FER1L6: variants seen among roughly 807,000 people sequenced by gnomAD.
FER1L6 encodes fer-1 like family member 6, also known as fer-1-like protein 6.
FER1L6 carries 177 observed loss-of-function variants against 219.2 expected under a neutral mutation model. The observed-to-expected ratio is 0.81, with a 90% CI of 0.71 to 0.91. The LOEUF (loss-of-function observed/expected upper bound fraction) is 0.91. Among genes scored for constraint, FER1L6 ranks in the 40% least tolerant of loss-of-function variants. FER1L6 has a pLI of 0.00. For synonymous variants in FER1L6, 768 were observed against 824.3 expected, an observed-to-expected ratio of 0.93 and a Z score of 1.17; for missense variants, 2,153 against 2,259.9, an observed-to-expected ratio of 0.95 and a Z score of 0.96.
intron 39 of FER1L6, among the ~76,000 whole-genome samples, chr8:124,113,515 T>C (rs908216075): frequency 6.6e-6 from 1 of 152,208 alleles, no homozygotes; most frequent in Non-Finnish European, 1.5e-5. Flanking sequence ...TATAATCTGA[T>C]ATCCACACCA....
chr8:124,036,803 T>A (rs1819235741), intron 19 of FER1L6, among the ~76,000 whole-genome samples: 2 of 152,340 alleles, frequency 1.3e-5, no homozygotes, highest in South Asian at 4.1e-4. Context: ...TGTGTTTTCA[T>A]AGAGTGACCT....
chr8:124,060,625 C>A lies in FER1L6; in HGVS notation c.3063C>A (p.Cys1021Ter), dbSNP rs369624500. The A allele has an allele frequency of 3.1e-6, 5 of 1,613,914 alleles. No homozygotes were observed. The highest frequency in any genetic ancestry group is 1.3e-5 in the African/African-American group (1 of 74,870). ...SVDRPQALIE[C>*]GGQGVKSCVI... The stretch of plus-strand genomic sequence containing the variant: ...ATCGGCCTCAGGCTCTCATTGAGTG[C>A]GGAGGACAAGGTGTGAAGTCCTGCG... The change falls in exon 24 of 41, where the codon TGC becomes TGA. Residue 1021 changes from cysteine to a stop codon, truncating the protein, a stop_gained. Transcript: ENST00000522917. LOFTEE classifies it high-confidence loss of function.
chr8:123,976,046 G>C lies in FER1L6; in HGVS notation c.832G>C (p.Val278Leu). Residue 278 changes from valine to leucine, a missense_variant, in exon 9 of 41, where the codon GTG becomes CTG. Val to Leu is a conservative substitution (Grantham distance 32, BLOSUM62 1). Transcript: ENST00000522917. Reference sequence around the variant, plus strand: ...ATTTGTGGGTGACAGTAAGGACCTGGTGGATCCCTTTGTGGAGGTCTCCTT... The same window carrying C: ...ATTTGTGGGTGACAGTAAGGACCTGCTGGATCCCTTTGTGGAGGTCTCCTT... Reference protein sequence around the residue: ...KAFVGDSKDLVDPFVEVSFAG... With the variant: ...KAFVGDSKDLLDPFVEVSFAG... 14 of 1,613,914 alleles carry C rather than the reference G, an allele frequency of 8.7e-6. No individual in the cohort carries two copies. Among genetic ancestry groups the C allele is most frequent in the Non-Finnish European group, 1.1e-5 (13 of 1,179,938 alleles).
chr8:124,092,585 A>G (rs1453876810), intron 34 of FER1L6, among the ~76,000 whole-genome samples: 1 of 152,208 alleles, frequency 6.6e-6, no homozygotes, highest in Non-Finnish European at 1.5e-5. Context: ...ATTTAATTTA[A>G]TTATACAGAA....
At chr8:123,960,145 C>T (rs558834643) in intron 2 of FER1L6, among the ~76,000 whole-genome samples, 1 of 152,184 alleles carries the variant, frequency 6.6e-6, no homozygotes, top group African/African-American at 2.4e-5. Flanking sequence ...ATGAGGAAAA[C>T]GGAGCTGAGA....
intron 1 of FER1L6, among the ~76,000 whole-genome samples, chr8:123,898,848 TAC>T (rs147446907): frequency 0.3 from 43,069 of 142,956 alleles, 7,305 homozygotes; most frequent in Middle Eastern, 0.41. Context: ...CATACATATA[TAC>T]ACACACACAC....
At chr8:123,991,752 G>A (rs367561986) in intron 12 of FER1L6, among the ~76,000 whole-genome samples, 2 of 152,210 alleles carry the variant, frequency 1.3e-5, no homozygotes, top group South Asian at 2.1e-4. Context: ...GTGAAAGTGG[G>A]CTTCCTTATC....
chr8:123,869,900 A>G (rs1275439911), intron 1 of FER1L6, among the ~76,000 whole-genome samples: 1 of 152,246 alleles, frequency 6.6e-6, no homozygotes, highest in Non-Finnish European at 1.5e-5. Flanking sequence ...ATACACAGAA[A>G]GAGTCAATTG....
intron 36 of FER1L6, 147 bp from the exon 37 acceptor site, chr8:124,097,638 G>A (rs1243571519): frequency 1.6e-6 from 1 of 615,626 alleles, no homozygotes. Context: ...ACTTGGTTCT[G>A]ACAGAACCAA....
At chr8:124,011,147 T>G (rs960104841) in intron 14 of FER1L6, among the ~76,000 whole-genome samples, 1 of 152,176 alleles carries the variant, frequency 6.6e-6, no homozygotes, top group African/African-American at 2.4e-5. Flanking sequence ...CTCCCTTACT[T>G]TGTTCCAACT....
intron 39 of FER1L6, among the ~76,000 whole-genome samples, chr8:124,104,436 G>A (rs192558146): frequency 1.3e-5 from 2 of 152,346 alleles, no homozygotes; most frequent in East Asian, 3.9e-4. Context: ...GGAATGGAGA[G>A]GTGGGAGGGA....
At chr8:124,038,729 A>G (rs1586623593) in intron 19 of FER1L6, among the ~76,000 whole-genome samples, 2 of 152,202 alleles carry the variant, frequency 1.3e-5, no homozygotes, top group East Asian at 1.9e-4. Flanking sequence ...AAGTCCCCAC[A>G]TGGATCTGTG....
At chr8:124,041,682 G>A (rs904879588) in intron 20 of FER1L6, among the ~76,000 whole-genome samples, 2 of 152,158 alleles carry the variant, frequency 1.3e-5, no homozygotes, top group South Asian at 2.1e-4. Flanking sequence ...CTACCTGGGG[G>A]AGAAGTCAGG....
chr8:124,013,328 C>CAAA, intron 14 of FER1L6, 103 bp from the exon 15 acceptor site: 1 of 597,630 alleles, frequency 1.7e-6, no homozygotes, highest in Admixed American at 3.2e-5. Context: ...ATTGCCAAAA[C>CAAA]AAAAAAAAAA....
intron 1 of FER1L6, among the ~76,000 whole-genome samples, chr8:123,924,131 A>C (rs931650845): frequency 6.8e-6 from 1 of 147,164 alleles, no homozygotes; most frequent in Non-Finnish European, 1.5e-5. Flanking sequence ...GCTACTCCAG[A>C]GGCTGAGGCA....
intron 1 of FER1L6, among the ~76,000 whole-genome samples, chr8:123,904,350 G>A (rs1356834500): frequency 6.7e-6 from 1 of 149,550 alleles, no homozygotes; most frequent in Non-Finnish European, 1.5e-5. Flanking sequence ...TCTAGCACTA[G>A]CTCTGTGTAT....
rs777521906 is a variant in FER1L6, at chr8:123,879,079, C to T, written c.-8+26894C>T. Among the ~76,000 whole-genome samples, 29 of 152,234 alleles carry T rather than the reference C, an allele frequency of 1.9e-4. No individual in the cohort carries two copies. The Middle Eastern group carries it at 0.02, about 107-fold the overall frequency. ...AGAAAGTGCCTAATAATTTTCTTAT[C>T]GTAAGATTCAATAGGCCAGACCAGG... On this transcript the variant is annotated intron_variant, in intron 1 of 40. Transcript: ENST00000522917.
At chr8:124,115,135 T>C (rs1042665302) in intron 39 of FER1L6, among the ~76,000 whole-genome samples, 1 of 151,432 alleles carries the variant, frequency 6.6e-6, no homozygotes, top group Non-Finnish European at 1.5e-5. Flanking sequence ...ATATGTGGTA[T>C]GACAAATCCA....
At chr8:123,881,146 A>T (rs1473245846) in intron 1 of FER1L6, among the ~76,000 whole-genome samples, 1 of 152,232 alleles carries the variant, frequency 6.6e-6, no homozygotes, top group Non-Finnish European at 1.5e-5. Context: ...AAGAGATATA[A>T]ATAATATCTT....
Sources: allele counts gnomAD v4.1 joint callset (sites outside exome capture counted in the v4.1 genomes callset), GRCh38; gene constraint gnomAD v4.1.1; transcripts MANE v1.5; gene names NCBI Gene and HGNC (gene_info 2026-07-23, HGNC 2026-07-21).